Variants in MACROD1 observed in about 807,000 individuals in gnomAD.
MACROD1 encodes the protein mono-ADP ribosylhydrolase 1.
In MACROD1, 31 loss-of-function variants were observed where a neutral mutation model predicts 41.4. The observed-to-expected ratio is 0.75, with a 90% CI of 0.56 to 1.01. The LOEUF (loss-of-function observed/expected upper bound fraction) is 1.01. Among genes scored for constraint, MACROD1 ranks in the 50% least tolerant of loss-of-function variants. The pLI is 0.00. For missense variants in MACROD1, 473 were observed against 460.0 expected, an observed-to-expected ratio of 1.03 and a Z score of -0.26; for synonymous variants, 252 against 203.4, an observed-to-expected ratio of 1.24 and a Z score of -2.03.
intron 3 of MACROD1, among the ~76,000 whole-genome samples, chr11:64,139,158 G>A (rs1433712734): frequency 6.6e-6 from 1 of 152,126 alleles, no homozygotes. Flanking sequence ...TCTGCTCACT[G>A]CCTCCCGCAC....
intron 3 of MACROD1, among the ~76,000 whole-genome samples, chr11:64,070,211 T>C (rs1377165491): frequency 6.6e-6 from 1 of 152,030 alleles, no homozygotes; most frequent in Non-Finnish European, 1.5e-5. Context: ...GTGAGGTGAA[T>C]CCCTGCTGCA....
intron 4 of MACROD1, among the ~76,000 whole-genome samples, chr11:64,014,463 T>G (rs1943054118): frequency 6.6e-6 from 1 of 152,226 alleles, no homozygotes; most frequent in African/African-American, 2.4e-5. Flanking sequence ...AAACCTGGCC[T>G]GGGCCCTGCC....
At chr11:64,086,107 A>G (rs553143849) in intron 3 of MACROD1, among the ~76,000 whole-genome samples, 91 of 152,264 alleles carry the variant, frequency 6.0e-4, no homozygotes, top group Non-Finnish European at 9.0e-4. Context: ...CCAGGCCATG[A>G]GCACTCAGCA....
chr11:64,000,085 G>A (rs1276617580), intron 5 of MACROD1, 142 bp downstream of exon 5: 3 of 672,160 alleles, frequency 4.5e-6, no homozygotes, highest in African/African-American at 1.8e-5. Context: ...TGCGGGGTGG[G>A]GGCCGGGTCT....
At chr11:64,116,759 C>T (rs764478858) in intron 3 of MACROD1, 19 of 1,613,678 alleles carry the variant, frequency 1.2e-5, no homozygotes, top group Non-Finnish European at 1.6e-5. Context: ...ACTCCGTGTC[C>T]ACCGTCAGCA....
intron 3 of MACROD1, among the ~76,000 whole-genome samples, chr11:64,039,481 G>C (rs1241108088): frequency 6.6e-6 from 1 of 152,162 alleles, no homozygotes; most frequent in Non-Finnish European, 1.5e-5. Flanking sequence ...GCTCTGGCTG[G>C]CCCACGAGGC....
intron 3 of MACROD1, among the ~76,000 whole-genome samples, chr11:64,081,301 C>T (rs1019435507): frequency 5.3e-5 from 8 of 152,184 alleles, no homozygotes; most frequent in African/African-American, 1.4e-4. Context: ...GGATTACAGG[C>T]GTGAGCCACC....
At chr11:64,144,620 A>C (rs376759276) in intron 3 of MACROD1, among the ~76,000 whole-genome samples, 14 of 151,722 alleles carry the variant, frequency 9.2e-5, no homozygotes, top group African/African-American at 3.4e-4. Flanking sequence ...AGGAGGAGGG[A>C]GCCCGGCCCC....
intron 3 of MACROD1, among the ~76,000 whole-genome samples, chr11:64,069,866 T>A (rs1944074969): frequency 6.6e-6 from 1 of 151,990 alleles, no homozygotes; most frequent in African/African-American, 2.4e-5. Flanking sequence ...AGAGAAAAAA[T>A]AGCCACGATG....
At chr11:64,140,223 C>T (rs1462260421) in intron 3 of MACROD1, among the ~76,000 whole-genome samples, 1 of 152,250 alleles carries the variant, frequency 6.6e-6, no homozygotes, top group Non-Finnish European at 1.5e-5. Flanking sequence ...CCTAGCCCAC[C>T]TCACGCCCCA....
At chr11:64,148,861 C>G in intron 3 of MACROD1, 1 of 985,622 alleles carries the variant, frequency 1.0e-6, no homozygotes, top group Non-Finnish European at 1.2e-6. Flanking sequence ...CCAAGGCCAC[C>G]CAGGACCCTG....
chr11:64,009,707 C>T (rs889913680), intron 4 of MACROD1, among the ~76,000 whole-genome samples: 1 of 152,118 alleles, frequency 6.6e-6, no homozygotes, highest in Non-Finnish European at 1.5e-5. Flanking sequence ...CTGTGCCCTC[C>T]AGGTTAAGTC....
chr11:64,061,227 T>C (rs888753974), intron 3 of MACROD1, among the ~76,000 whole-genome samples: 7 of 152,212 alleles, frequency 4.6e-5, no homozygotes, highest in Admixed American at 2.0e-4. Context: ...ATAAATGCAT[T>C]TGGAGTAATC....
chr11:64,139,832 T>C (rs1945385782), intron 3 of MACROD1, among the ~76,000 whole-genome samples: 2 of 152,106 alleles, frequency 1.3e-5, no homozygotes, highest in Admixed American at 6.5e-5. Flanking sequence ...GGCGGGCGCC[T>C]GTAATCCCAG....
At position 64,166,051 on chromosome 11, in the gene MACROD1, G is replaced by T; in HGVS notation, c.-57C>A. On this transcript the variant is annotated 5_prime_UTR_variant, in exon 1 of 11. Transcript: ENST00000255681. ...CTTGGACTCTATTTACGGCGCTCGG[G>T]AGTGTCTCTCCCTTATTTACTCTGG... The T allele has an allele frequency of 8.1e-7, 1 of 1,240,274 alleles. No individual in the cohort carries two copies. The highest frequency in any genetic ancestry group is 1.0e-6 in the Non-Finnish European group (1 of 993,668). The allele number at this position is 1,240,274 out of a possible 1,614,324, so 76.8% of individuals were successfully genotyped here.
intron 4 of MACROD1, among the ~76,000 whole-genome samples, chr11:64,006,582 T>A (rs548956341): frequency 1.3e-5 from 2 of 152,326 alleles, no homozygotes; most frequent in African/African-American, 4.8e-5. Flanking sequence ...GCCTCATTCA[T>A]CATGCAAAAA....
intron 3 of MACROD1, among the ~76,000 whole-genome samples, chr11:64,142,863 C>T (rs866423724): frequency 2.0e-5 from 3 of 152,162 alleles, no homozygotes; most frequent in Admixed American, 1.3e-4. Context: ...CGGCTGTAGT[C>T]CCAGCACTTT....
intron 3 of MACROD1, chr11:64,116,273 G>A (rs1396711946): frequency 1.3e-6 from 2 of 1,596,384 alleles, no homozygotes; most frequent in Non-Finnish European, 1.7e-6. Flanking sequence ...CCACCATGGT[G>A]GTGGCACACC....
rs967472783 is a variant in MACROD1 at position 64,122,496 on chromosome 11, G to C, written c.517+28743C>G. Among the ~76,000 whole-genome samples the C allele has an allele frequency of 2.0e-5, 3 of 152,198 alleles. No homozygotes were observed. Among genetic ancestry groups the C allele is most frequent in the African/African-American group, 7.2e-5 (3 of 41,450 alleles). ...TTCTCCCTCCCTCTACACAGGCACC[G>C]GGTCTCCTCCTTCCCCTGGGGATCT... On this transcript the variant is annotated intron_variant, in intron 3 of 10. Transcript: ENST00000255681. This position sits in a 1 kb window ranked among gnomAD's most constrained non-coding sequence, Gnocchi z 4.0.
Sources: gnomAD v4.1 joint callset for allele counts (sites outside exome capture counted in the v4.1 genomes callset) on GRCh38, gnomAD v4.1.1 for gene constraint, Gnocchi (gnomAD v3.1) non-coding constraint, MANE v1.5 for transcripts, NCBI Gene and HGNC (gene_info 2026-07-23, HGNC 2026-07-21) for gene names.